CPNE4: variants seen among roughly 807,000 people sequenced by gnomAD.
CPNE4 encodes the protein copine 4.
CPNE4 carries 25 observed loss-of-function variants against 67.9 expected under a neutral mutation model. The observed-to-expected ratio is 0.37, with a 90% CI of 0.27 to 0.51. The LOEUF is 0.51. Among genes scored for constraint, CPNE4 ranks in the 20% least tolerant of loss-of-function variants. The probability of loss-of-function intolerance (pLI) is 0.93; values close to 1 mark genes in which losing one functional copy is unlikely to be tolerated. For missense variants in CPNE4, 464 were observed against 690.8 expected, an observed-to-expected ratio of 0.67 and a Z score of 3.68; for synonymous variants, 242 against 244.9, an observed-to-expected ratio of 0.99 and a Z score of 0.11.
intron 1 of CPNE4, among the ~76,000 whole-genome samples, chr3:131,959,065 A>T (rs1201582610): frequency 9.2e-5 from 3 of 32,688 alleles, no homozygotes; most frequent in Non-Finnish European, 1.5e-4. Context: ...CAGTGGCGGG[A>T]TCTCGGCTCA....
chr3:131,998,252 T>C (rs529544310), intron 1 of CPNE4, among the ~76,000 whole-genome samples: 1 of 152,246 alleles, frequency 6.6e-6, no homozygotes, highest in Admixed American at 6.5e-5. Flanking sequence ...TAACAATCCA[T>C]GAGCAAGACA....
chr3:131,603,445 A>G (rs1254634360), intron 7 of CPNE4, among the ~76,000 whole-genome samples: 10 of 152,186 alleles, frequency 6.6e-5, no homozygotes, highest in Admixed American at 2.6e-4. Flanking sequence ...AATGTGATGG[A>G]TTTTTTATGC....
intron 1 of CPNE4, among the ~76,000 whole-genome samples, chr3:131,980,190 G>C (rs1276881774): frequency 3.3e-5 from 5 of 152,012 alleles, no homozygotes; most frequent in Non-Finnish European, 7.4e-5. Context: ...ATATCTTTTT[G>C]GATGAATTTC....
intron 9 of CPNE4, among the ~76,000 whole-genome samples, chr3:131,581,071 GC>G (rs1202436694): frequency 6.6e-6 from 1 of 151,244 alleles, no homozygotes; most frequent in African/African-American, 2.5e-5. Context: ...TAGTTGGGAG[GC>G]TGAGGCAGAA....
intron 2 of CPNE4, among the ~76,000 whole-genome samples, chr3:131,897,860 C>T (rs558835834): frequency 6.6e-6 from 1 of 151,802 alleles, no homozygotes; most frequent in South Asian, 2.1e-4. Flanking sequence ...CCACTGCACT[C>T]CAACCTGGGC....
chr3:132,005,853 A>G (rs1008985354), intron 1 of CPNE4, among the ~76,000 whole-genome samples: 1 of 152,124 alleles, frequency 6.6e-6, no homozygotes, highest in Non-Finnish European at 1.5e-5. Context: ...GTGAATTGTA[A>G]TAAGAAACAG....
chr3:131,655,332 G>A (rs2107631707), intron 7 of CPNE4, among the ~76,000 whole-genome samples: 1 of 152,280 alleles, frequency 6.6e-6, no homozygotes, highest in Non-Finnish European at 1.5e-5. Flanking sequence ...GCTAAAGTTT[G>A]ATGATATTAT....
At chr3:131,737,141 T>TTTTTTTTTTTC (rs1491475059) in intron 2 of CPNE4, among the ~76,000 whole-genome samples, 3 of 106,028 alleles carry the variant, frequency 2.8e-5, no homozygotes, top group African/African-American at 1.1e-4. Flanking sequence ...TTTTTTTTTT[T>TTTTTTTTTTTC]GAGAGGGAGT....
intron 7 of CPNE4, among the ~76,000 whole-genome samples, chr3:131,588,961 C>A (rs539698445): frequency 1.3e-5 from 2 of 152,276 alleles, no homozygotes; most frequent in East Asian, 1.9e-4. Context: ...TGCTTAAAAT[C>A]AAAATGTATA....
At chr3:131,704,360 G>C (rs2081370611) in intron 3 of CPNE4, among the ~76,000 whole-genome samples, 2 of 152,158 alleles carry the variant, frequency 1.3e-5, no homozygotes, top group African/African-American at 2.4e-5. Flanking sequence ...ACCAGTGACT[G>C]ATGGTCTTTG....
chr3:131,555,703 G>T, intron 11 of CPNE4, 152 bp from the exon 12 acceptor site: 1 of 656,654 alleles, frequency 1.5e-6, no homozygotes, highest in East Asian at 2.7e-5. Context: ...TGGTGATGGG[G>T]GTAGCAATAG....
At chr3:131,539,826 T>C (rs2107625360) in intron 15 of CPNE4, among the ~76,000 whole-genome samples, 1 of 152,170 alleles carries the variant, frequency 6.6e-6, no homozygotes, top group East Asian at 1.9e-4. Flanking sequence ...GATGTGTCTA[T>C]CTATTTTGTC....
intron 6 of CPNE4, among the ~76,000 whole-genome samples, chr3:131,681,926 T>C (rs2080768289): frequency 6.6e-6 from 1 of 152,024 alleles, no homozygotes. Flanking sequence ...TTTGATACCT[T>C]ATATAGTGTG....
chr3:131,956,382 A>G (rs899478079), intron 1 of CPNE4, among the ~76,000 whole-genome samples: 1 of 152,210 alleles, frequency 6.6e-6, no homozygotes, highest in African/African-American at 2.4e-5. Flanking sequence ...ATTTGTGACT[A>G]CCAAGTCAAT....
intron 2 of CPNE4, among the ~76,000 whole-genome samples, chr3:131,790,024 T>C (rs1048593551): frequency 2.0e-5 from 3 of 152,138 alleles, no homozygotes; most frequent in Non-Finnish European, 2.9e-5. Context: ...TTAGTGGACA[T>C]TGGATGACAA....
chr3:131,781,614 C>T (rs2083433801), intron 2 of CPNE4, among the ~76,000 whole-genome samples: 1 of 152,014 alleles, frequency 6.6e-6, no homozygotes, highest in African/African-American at 2.4e-5. Flanking sequence ...TGGATGAAGT[C>T]AAAGAAAAAC....
At chr3:131,884,732 A>G (rs1457054311) in intron 2 of CPNE4, among the ~76,000 whole-genome samples, 1 of 152,142 alleles carries the variant, frequency 6.6e-6, no homozygotes, top group Non-Finnish European at 1.5e-5. Context: ...GGTGGTGAAC[A>G]TGTCTCACAA....
upstream of CPNE4, among the ~76,000 whole-genome samples, chr3:132,036,723 G>A (rs189130455): frequency 1.1e-3 from 170 of 152,174 alleles, no homozygotes; most frequent in African/African-American, 3.6e-3. Context: ...CTGTTTTGTC[G>A]TCTTGTTCAT....
intron 2 of CPNE4, among the ~76,000 whole-genome samples, chr3:131,801,979 T>C (rs1186609875): frequency 6.6e-6 from 1 of 151,358 alleles, no homozygotes; most frequent in Admixed American, 6.6e-5. Context: ...CTTTCAGGTC[T>C]AGGAAATAGG....
Sources: allele counts gnomAD v4.1 joint callset (sites outside exome capture counted in the v4.1 genomes callset), GRCh38; gene constraint gnomAD v4.1.1; transcripts MANE v1.5; gene names NCBI Gene and HGNC (gene_info 2026-07-23, HGNC 2026-07-21).